ATP8B4: variants seen among roughly 807,000 people sequenced by gnomAD.
The protein encoded by ATP8B4 is probable phospholipid-transporting ATPase IM.
A neutral mutation model predicts 145.6 loss-of-function variants in ATP8B4; 133 were observed. That is an observed-to-expected ratio of 0.91 (90% CI 0.79 to 1.05). The LOEUF is 1.05. ATP8B4 is among the 50% of genes least tolerant of loss of function. The pLI is 0.00. For missense variants in ATP8B4, 1,458 were observed against 1,425.2 expected, an observed-to-expected ratio of 1.02 and a Z score of -0.37; for synonymous variants, 507 against 492.9, an observed-to-expected ratio of 1.03 and a Z score of -0.38.
At chr15:49,998,497 T>C (rs2047610466) in intron 8 of ATP8B4, among the ~76,000 whole-genome samples, 1 of 152,224 alleles carries the variant, frequency 6.6e-6, no homozygotes, top group South Asian at 2.1e-4. Flanking sequence ...CCAGTGATGG[T>C]GAGCATTTTT....
intron 5 of ATP8B4, among the ~76,000 whole-genome samples, chr15:50,043,035 T>C (rs1025198262): frequency 9.2e-5 from 14 of 152,234 alleles, no homozygotes; most frequent in Admixed American, 5.9e-4. Flanking sequence ...ATTAGCCTAC[T>C]ATATATGCTG....
At chr15:49,880,263 T>C (rs1057290789) in intron 23 of ATP8B4, 3 of 152,058 alleles carry the variant, frequency 2.0e-5, no homozygotes, top group African/African-American at 7.2e-5. Context: ...CACTGAGAAG[T>C]GAATTTGAGA....
At chr15:50,067,230 G>T (rs757188217) in intron 3 of ATP8B4, among the ~76,000 whole-genome samples, 1 of 152,076 alleles carries the variant, frequency 6.6e-6, no homozygotes, top group Non-Finnish European at 1.5e-5. Flanking sequence ...GGCCATTTCC[G>T]TTTGGGGATT....
intron 23 of ATP8B4, among the ~76,000 whole-genome samples, chr15:49,889,957 G>C (rs1166675385): frequency 1.3e-5 from 2 of 152,142 alleles, no homozygotes; most frequent in South Asian, 2.1e-4. Flanking sequence ...GATTTGACAG[G>C]GTTGGCCCCA....
chr15:50,122,590 T>C (rs2057280244), upstream of ATP8B4, among the ~76,000 whole-genome samples: 1 of 152,170 alleles, frequency 6.6e-6, no homozygotes, highest in South Asian at 2.1e-4. Context: ...TTGATTGAAA[T>C]GTCAAACCAA....
intron 23 of ATP8B4, chr15:49,883,425 G>A (rs1235538477): frequency 1.3e-5 from 2 of 152,172 alleles, no homozygotes; most frequent in Non-Finnish European, 2.9e-5. Flanking sequence ...GGAAAAATCA[G>A]AGTAAGGTTT....
chr15:49,871,262 C>T (rs569931569), intron 25 of ATP8B4, among the ~76,000 whole-genome samples: 136 of 152,306 alleles, frequency 8.9e-4, no homozygotes, highest in Middle Eastern at 6.8e-3. Flanking sequence ...GTATATGGCA[C>T]AGTATCCAGT....
intron 4 of ATP8B4, among the ~76,000 whole-genome samples, chr15:50,046,082 G>A (rs918582735): frequency 2.6e-5 from 4 of 152,250 alleles, no homozygotes; most frequent in African/African-American, 9.6e-5. Context: ...CATAACTTTA[G>A]GAAACTGATT....
At chr15:50,157,262 T>C (rs186460368) in intron 1 of ATP8B4, among the ~76,000 whole-genome samples, 1 of 152,220 alleles carries the variant, frequency 6.6e-6, no homozygotes, top group East Asian at 1.9e-4. Flanking sequence ...AGTGGCCTCA[T>C]AACCAAACCA....
At chr15:50,133,588 G>A (rs146823955) in intron 1 of ATP8B4, among the ~76,000 whole-genome samples, 128 of 151,880 alleles carry the variant, frequency 8.4e-4, no homozygotes, top group African/African-American at 3.0e-3. Context: ...GTGAGACCCT[G>A]TATCAAAAAT....
At chr15:50,138,046 T>G (rs974091907) in intron 1 of ATP8B4, among the ~76,000 whole-genome samples, 5 of 152,200 alleles carry the variant, frequency 3.3e-5, no homozygotes, top group Non-Finnish European at 7.3e-5. Flanking sequence ...GGATGAGAGA[T>G]TCTATCACAT....
chr15:50,099,410 G>A (rs115115153), intron 2 of ATP8B4, among the ~76,000 whole-genome samples: 4,415 of 152,160 alleles, frequency 0.029, 69 homozygotes, highest in South Asian at 0.064. Flanking sequence ...CCCCCAAGGA[G>A]CTGGAACTAC....
intron 7 of ATP8B4, among the ~76,000 whole-genome samples, chr15:50,010,319 T>C (rs2048635379): frequency 6.6e-6 from 1 of 152,106 alleles, no homozygotes; most frequent in African/African-American, 2.4e-5. Flanking sequence ...TTTGAGTATA[T>C]AAATTATAAT....
At chr15:50,037,005 T>C (rs563361932) in intron 6 of ATP8B4, among the ~76,000 whole-genome samples, 1 of 152,286 alleles carries the variant, frequency 6.6e-6, no homozygotes, top group African/African-American at 2.4e-5. Flanking sequence ...CTATTTCAAA[T>C]GATAATGATA....
chr15:50,175,530 G>GCAACAAACAATCCTAT (rs2044749400), intron 1 of ATP8B4, among the ~76,000 whole-genome samples: 1 of 152,082 alleles, frequency 6.6e-6, no homozygotes, highest in South Asian at 2.1e-4. Flanking sequence ...ATCGACAAGG[G>GCAACAAACAATCCTAT]GGCTAAGGAC....
intron 3 of ATP8B4, among the ~76,000 whole-genome samples, chr15:50,058,001 A>AAGAGAG (rs143919023): frequency 1.3e-5 from 2 of 151,646 alleles, no homozygotes; most frequent in African/African-American, 4.8e-5. Context: ...TACAGACAGA[A>AAGAGAG]AGAGAGAGAG....
At chr15:50,145,583 T>C (rs952000690) in intron 1 of ATP8B4, among the ~76,000 whole-genome samples, 14 of 152,174 alleles carry the variant, frequency 9.2e-5, no homozygotes, top group Admixed American at 3.3e-4. Context: ...GTTACTGCCA[T>C]CTAGTGGAAA....
intron 1 of ATP8B4, among the ~76,000 whole-genome samples, chr15:50,111,558 G>C (rs1362599341): frequency 3.9e-5 from 6 of 152,198 alleles, no homozygotes; most frequent in Admixed American, 3.9e-4. Flanking sequence ...CCATCCAAGA[G>C]AACAGCCCTC....
chr15:49,956,705 C>T (rs1307026219), intron 14 of ATP8B4, among the ~76,000 whole-genome samples: 1 of 152,050 alleles, frequency 6.6e-6, no homozygotes, highest in Admixed American at 6.6e-5. Flanking sequence ...GCATGCCTAG[C>T]TAATTGGTTT....
Sources: gnomAD v4.1 joint callset for allele counts (sites outside exome capture counted in the v4.1 genomes callset) on GRCh38, gnomAD v4.1.1 for gene constraint, MANE v1.5 for transcripts, NCBI Gene and HGNC (gene_info 2026-07-23, HGNC 2026-07-21) for gene names.